Variants in BRSK1 observed in about 807,000 individuals in gnomAD.
The protein encoded by BRSK1 is BR serine/threonine kinase 1.
Under a neutral mutation model 86.2 loss-of-function variants are expected in BRSK1, and 17 were observed. The observed-to-expected ratio is 0.20, with a 90% CI of 0.14 to 0.30. The LOEUF is 0.30. BRSK1 is among the 10% of genes least tolerant of loss of function. The probability of loss-of-function intolerance (pLI) is 1.00; values close to 1 mark genes in which losing one functional copy is unlikely to be tolerated. For missense variants in BRSK1, 719 were observed against 1,071.9 expected (o/e 0.67, Z 4.60); for synonymous variants, 464 against 440.1 (o/e 1.05, Z -0.68).
At position 55,305,446 on chromosome 19, in the gene BRSK1, C is replaced by G. The variant is rs775972222; in HGVS notation, c.1767-17C>G. ...GGCGCCTTCCTAACCCTCCTCCAAC[C>G]ACCCCCTCCCACTCAGGCTGGCAAA... On this transcript the variant is annotated splice_polypyrimidine_tract_variant and intron_variant, in intron 15 of 18. Coordinates refer to ENST00000309383, the MANE Select transcript of BRSK1 (RefSeq NM_032430.2). The G allele has an allele frequency of 1.9e-6, 3 of 1,614,134 alleles. No individual in the cohort carries two copies. Among genetic ancestry groups the G allele is most frequent in the Non-Finnish European group, 1.7e-6 (2 of 1,179,986 alleles).
Position 55,302,617 on chromosome 19 carries a change from G to A in BRSK1, c.858-80G>A. On this transcript the variant is annotated intron_variant, in intron 9 of 18. Coordinates refer to ENST00000309383, the MANE Select transcript of BRSK1 (RefSeq NM_032430.2). The surrounding 1 kb of genome is among the most constrained non-coding windows in gnomAD (Gnocchi z 6.3). ...CCGGGGCCTAGACTCGGATTTCGGG[G>A]TCCGGGATCATTGAGTCTAGAATGA... is the stretch of plus-strand genomic sequence containing the variant. 1.3e-6 allele frequency: 2 copies of A among 1,516,716 alleles called. No individual in the cohort carries two copies. The highest frequency in any genetic ancestry group is 1.8e-6 in the Non-Finnish European group (2 of 1,121,686). The allele number at this position is 1,516,716 out of a possible 1,614,324, so 94.0% of individuals were successfully genotyped here. A position where few individuals can be genotyped will look rare whatever the true frequency, so the allele number is the denominator to read the frequency against.
intron 7 of BRSK1, among the ~76,000 whole-genome samples, chr19:55,299,495 C>G (rs2088540013): frequency 6.6e-6 from 1 of 151,622 alleles, no homozygotes; most frequent in African/African-American, 2.4e-5. Context: ...AAGTAATTCT[C>G]CTGCCTCAGC....
chr19:55,297,077 TTGTG>T (rs1180905278), intron 7 of BRSK1, among the ~76,000 whole-genome samples: 5 of 152,144 alleles, frequency 3.3e-5, no homozygotes, highest in Non-Finnish European at 5.9e-5. Context: ...GTTTTTTTGT[TTGTG>T]TGTGTTTGTT....
At position 55,284,518 on chromosome 19, in the gene BRSK1, C is replaced by CCCCCCCCCCCCAA. The variant is rs2122919249; in HGVS notation, c.76_77insCCCCCCCCCCCAA (p.Gln26ProfsTer28). On this transcript the variant is annotated frameshift_variant, in exon 1 of 19. Transcript: ENST00000309383. LOFTEE classifies it high-confidence loss of function. Reference sequence around the variant, plus strand: ...CCCCCACCCCCACCCCCACCCACCCCAGCACGCCCAATATGTGGGCCCCTA... The same window carrying CCCCCCCCCCCCAA: ...CCCCCACCCCCACCCCCACCCACCCCCCCCCCCCCCCAAAGCACGCCCAATATGTGGGCCCCTA... 2 of 1,313,330 alleles carry CCCCCCCCCCCCAA rather than the reference C, an allele frequency of 1.5e-6. No individual in the cohort carries two copies. The highest frequency in any genetic ancestry group is 2.0e-6 in the Non-Finnish European group (2 of 1,008,308). The allele number at this position is 1,313,330 out of a possible 1,614,324, so 81.4% of individuals were successfully genotyped here.
chr19:55,292,012 G>A (rs1285402318), intron 4 of BRSK1, among the ~76,000 whole-genome samples: 3 of 152,072 alleles, frequency 2.0e-5, no homozygotes, highest in East Asian at 1.9e-4. Context: ...CACCCACCTC[G>A]GCCTCCTGAA....
In BRSK1 at chr19:55,284,194, G is replaced by T; in HGVS notation, c.-249G>T. On this transcript the variant is annotated 5_prime_UTR_variant, in exon 1 of 19. Coordinates refer to ENST00000309383, the MANE Select transcript of BRSK1 (RefSeq NM_032430.2). ...GGCCGGCCAGAAACGGGCTGGGGAG[G>T]GGGGGCCCCGCAGCCCCCCTGGGCC... The T allele has an allele frequency of 2.5e-6, 2 of 810,278 alleles. No individual in the cohort carries two copies. Among genetic ancestry groups the T allele is most frequent in the Admixed American group, 4.4e-5 (1 of 22,786 alleles). 50.2% of individuals were successfully genotyped at this position (810,278 alleles called of 1,614,324 possible). A position where few individuals can be genotyped will look rare whatever the true frequency, so the allele number is the denominator to read the frequency against.
rs1307650299 is a variant in BRSK1 at position 55,310,593 on chromosome 19, C to T, written c.2180-1318C>T. Among the ~76,000 whole-genome samples the T allele has an allele frequency of 6.6e-6, 1 of 152,142 alleles. No individual in the cohort carries two copies. The highest frequency in any genetic ancestry group is 1.5e-5 in the Non-Finnish European group (1 of 68,022). On this transcript the variant is annotated intron_variant, in intron 18 of 18. Transcript: ENST00000309383. This position sits in a 1 kb window ranked among gnomAD's most constrained non-coding sequence, Gnocchi z 5.0. The stretch of plus-strand genomic sequence containing the variant: ...TAATGTCTGGAGACATTTTTCCTCC[C>T]CTCAACTGGGGAAAACAGGGGGATG...
In BRSK1 at chr19:55,304,712, C is replaced by T. The variant is rs961338514; in HGVS notation, c.1509C>T (p.Pro503=). ...CCAGTGCCCGCTCCACACCCCTGCC[C>T]GGCCCCCCAGGCTCCCCGCGCTCCT... The part of the protein sequence containing the change: ...PPPSARSTPL[P]GPPGSPRSSG... The change falls in exon 14 of 19, where the codon CCC becomes CCT. Residue 503 remains proline (P), a synonymous_variant. Coordinates refer to ENST00000309383, the MANE Select transcript of BRSK1 (RefSeq NM_032430.2). The surrounding 1 kb of genome is among the most constrained non-coding windows in gnomAD (Gnocchi z 5.2). 1.0e-5 allele frequency: 15 copies of T among 1,499,996 alleles called. No homozygotes were observed. The highest frequency in any genetic ancestry group is 1.3e-5 in the South Asian group (1 of 77,738). The allele number at this position is 1,499,996 out of a possible 1,614,324, so 92.9% of individuals were successfully genotyped here.
At position 55,284,492 on chromosome 19, in the gene BRSK1, T is replaced by TGC; in HGVS notation, c.50_51insGC (p.His19ProfsTer48). On this transcript the variant is annotated frameshift_variant, in exon 1 of 19. Transcript: ENST00000309383. LOFTEE classifies it high-confidence loss of function. ...GGTGGGGGCTCTCCCGCCTACCACCTCCCCCACCCCCACCCCCACCCACCC... is the reference window on the plus strand; with the variant it reads ...GGTGGGGGCTCTCCCGCCTACCACCTGCCCCCCACCCCCACCCCCACCCACCC... The TGC allele has an allele frequency of 1.3e-6, 1 of 776,246 alleles. No individual in the cohort carries two copies. The highest frequency in any genetic ancestry group is 1.8e-6 in the Non-Finnish European group (1 of 546,156). 48.1% of individuals were successfully genotyped at this position (776,246 alleles called of 1,614,324 possible).
rs2088613256 is a variant in BRSK1 at position 55,304,200 on chromosome 19, C to T, written c.1347+90C>T. 2 of 1,334,916 alleles carry T rather than the reference C, an allele frequency of 1.5e-6. No homozygotes were observed. The highest frequency in any genetic ancestry group is 2.6e-4 in the Middle Eastern group (1 of 3,898). 82.7% of individuals were successfully genotyped at this position (1,334,916 alleles called of 1,614,324 possible). A position where few individuals can be genotyped will look rare whatever the true frequency, so the allele number is the denominator to read the frequency against. ...AGTAGCAGAAACTACAATTCCTGTG[C>T]AGTCTTGAGACTTGCTTCTTTGTCC... On this transcript the variant is annotated intron_variant, in intron 13 of 18. Coordinates refer to ENST00000309383, the MANE Select transcript of BRSK1 (RefSeq NM_032430.2). This position sits in a 1 kb window ranked among gnomAD's most constrained non-coding sequence, Gnocchi z 5.2.
chr19:55,305,621 C>T, intron 16 of BRSK1, 35 bp downstream of exon 16: 6 of 1,612,978 alleles, frequency 3.7e-6, no homozygotes, highest in Middle Eastern at 1.9e-4. Flanking sequence ...GCCTGGCCCC[C>T]GCAGAACTAC....
Position 55,304,920 on chromosome 19 carries a change from G to A in BRSK1, c.1717G>A (p.Val573Ile), listed in dbSNP as rs769559419. Residue 573 changes from valine (V) to isoleucine (I), a missense_variant and splice_region_variant, in exon 14 of 19, where the codon GTC becomes ATC. This residue lies in a region of BRSK1 where 180 missense variants were observed against 259.4 expected (regional missense o/e 0.69). Coordinates refer to ENST00000309383, the MANE Select transcript of BRSK1 (RefSeq NM_032430.2). This position sits in a 1 kb window ranked among gnomAD's most constrained non-coding sequence, Gnocchi z 5.2. ...SPRFHRRKMQ[V>I]PTAEEMSSLT... ...TCGCTTTCACCGGCGCAAGATGCAG[G>A]GTATGGGGGCATGAACTGCCGAGTC... The A allele has an allele frequency of 3.1e-6, 5 of 1,606,742 alleles. No individual in the cohort carries two copies. In the East Asian group the frequency reaches 6.7e-5, roughly 21 times the overall value.
Position 55,306,530 on chromosome 19 carries a change from T to G in BRSK1, c.2089+80T>G, listed in dbSNP as rs1405910474. On this transcript the variant is annotated intron_variant, in intron 17 of 18. Coordinates refer to ENST00000309383, the MANE Select transcript of BRSK1 (RefSeq NM_032430.2). This position sits in a 1 kb window ranked among gnomAD's most constrained non-coding sequence, Gnocchi z 4.7. ...CTGAGACAGTGTAGGGGCCCAGGAG[T>G]GCAGCAGCAGGAGGAGGAAATGGTG... 11 of 1,520,582 alleles carry G rather than the reference T, an allele frequency of 7.2e-6. No individual in the cohort carries two copies. Among genetic ancestry groups the G allele is most frequent in the Non-Finnish European group, 9.9e-6 (11 of 1,112,834 alleles). The allele number at this position is 1,520,582 out of a possible 1,614,324, so 94.2% of individuals were successfully genotyped here.
In BRSK1 at chr19:55,294,938, A is replaced by C. The variant is rs958869191; in HGVS notation, c.678+541A>C. 6.6e-6 allele frequency among the ~76,000 whole-genome samples: 1 copy of C among 151,888 alleles called. No individual in the cohort carries two copies. The highest frequency in any genetic ancestry group is 2.4e-5 in the African/African-American group (1 of 41,338). On this transcript the variant is annotated intron_variant, in intron 7 of 18. Transcript: ENST00000309383. The surrounding 1 kb of genome is among the most constrained non-coding windows in gnomAD (Gnocchi z 4.9). ...TGCCTCAGCTTCCCGATTAGCTGGGACTACAGGTACCTGCCACCATGCTTG... is the reference window on the plus strand; with the variant it reads ...TGCCTCAGCTTCCCGATTAGCTGGGCCTACAGGTACCTGCCACCATGCTTG...
In BRSK1 at chr19:55,302,230, T is replaced by C. The variant is rs1426653542; in HGVS notation, c.857+62T>C. The C allele has an allele frequency of 1.9e-6, 3 of 1,592,350 alleles. No individual in the cohort carries two copies. The highest frequency in any genetic ancestry group is 1.3e-5 in the African/African-American group (1 of 74,388). On this transcript the variant is annotated intron_variant, in intron 9 of 18. Coordinates refer to ENST00000309383, the MANE Select transcript of BRSK1 (RefSeq NM_032430.2). This position sits in a 1 kb window ranked among gnomAD's most constrained non-coding sequence, Gnocchi z 6.3. ...GGAAATAGGGGAGGGGCCAAAGCAG[T>C]AGAAGCGGCTGGGAGGGGTGGGATG... is the stretch of plus-strand genomic sequence containing the variant.
At chr19:55,309,836 T>C (rs1251729130) in intron 18 of BRSK1, among the ~76,000 whole-genome samples, 1 of 152,156 alleles carries the variant, frequency 6.6e-6, no homozygotes, top group Non-Finnish European at 1.5e-5. Flanking sequence ...CCCTCATTCC[T>C]GAGACACGGG....
At chr19:55,297,583 C>T (rs2088507470) in intron 7 of BRSK1, among the ~76,000 whole-genome samples, 1 of 152,176 alleles carries the variant, frequency 6.6e-6, no homozygotes, top group Admixed American at 6.5e-5. Flanking sequence ...CTCACCACTC[C>T]ATGGGGAGAG....
Position 55,310,609 on chromosome 19 carries a change from CAG to C in BRSK1, c.2180-1301_2180-1300del, listed in dbSNP as rs982238517. Among the ~76,000 whole-genome samples the C allele has an allele frequency of 1.3e-4, 20 of 152,264 alleles. No individual in the cohort carries two copies. The highest frequency in any genetic ancestry group is 4.1e-4 in the South Asian group (2 of 4,826). ...TTTTCCTCCCCTCAACTGGGGAAAA[CAG>C]GGGGATGCCAATGGCCTCTTGTAGG... On this transcript the variant is annotated intron_variant, in intron 18 of 18. Transcript: ENST00000309383. The surrounding 1 kb of genome is among the most constrained non-coding windows in gnomAD (Gnocchi z 5.0).
rs1443192600 is a variant in BRSK1 at position 55,303,753 on chromosome 19, A to G, written c.1213A>G (p.Ile405Val). ...PERKSMEVLS[I>V]TDAGGGGSPV... ...GCGGAAGTCCATGGAAGTCCTGAGCATCACCGATGCCGGGGGTGGTGGCTC... is the reference window on the plus strand; with the variant it reads ...GCGGAAGTCCATGGAAGTCCTGAGCGTCACCGATGCCGGGGGTGGTGGCTC... The change falls in exon 12 of 19, where the codon ATC (isoleucine) becomes GTC (valine). Residue 405 changes from isoleucine (I) to valine (V), a missense_variant. Transcript: ENST00000309383. This position sits in a 1 kb window ranked among gnomAD's most constrained non-coding sequence, Gnocchi z 5.1. 2 of 1,613,440 alleles carry G rather than the reference A, an allele frequency of 1.2e-6. No individual in the cohort carries two copies. The highest frequency in any genetic ancestry group is 1.7e-6 in the Non-Finnish European group (2 of 1,179,714).
Sources: gnomAD v4.1 joint callset for allele counts (sites outside exome capture counted in the v4.1 genomes callset) on GRCh38, gnomAD v4.1.1 for gene constraint, gnomAD v4.1.1 regional missense constraint, Gnocchi (gnomAD v3.1) non-coding constraint, MANE v1.5 for transcripts, NCBI Gene and HGNC (gene_info 2026-07-23, HGNC 2026-07-21) for gene names.